TENM4: variants seen among roughly 807,000 people sequenced by gnomAD.
The protein encoded by TENM4 is teneurin transmembrane protein 4.
TENM4 carries 82 observed loss-of-function variants against 243.3 expected under a neutral mutation model. The ratio of observed to expected loss-of-function variants is 0.34; its 90% CI spans 0.28 to 0.40. The LOEUF is 0.40. Ranked by LOEUF, TENM4 falls within the 10% of genes least tolerant of loss-of-function variation. The pLI is 1.00. For synonymous variants in TENM4, 1,412 were observed against 1,456.3 expected, an observed-to-expected ratio of 0.97 and a Z score of 0.69; for missense variants, 3,138 against 3,673.3, an observed-to-expected ratio of 0.85 and a Z score of 3.77.
chr11:78,784,413 G>C (rs1372686341), intron 16 of TENM4, among the ~76,000 whole-genome samples: 1 of 152,120 alleles, frequency 6.6e-6, no homozygotes, highest in Non-Finnish European at 1.5e-5. Context: ...CCTTCAGCAC[G>C]AGGGTGGTGA....
intron 15 of TENM4, among the ~76,000 whole-genome samples, chr11:78,795,617 G>C (rs73498536): frequency 6.6e-6 from 1 of 151,928 alleles, no homozygotes; most frequent in Admixed American, 6.6e-5. Flanking sequence ...GAAATTATTC[G>C]TATCCACAAG....
intron 4 of TENM4, among the ~76,000 whole-genome samples, chr11:79,120,354 A>G (rs1357177409): frequency 1.3e-5 from 2 of 152,206 alleles, no homozygotes; most frequent in Non-Finnish European, 2.9e-5. Context: ...TCAAGAGGCA[A>G]ATGTAAAACA....
At chr11:78,921,792 T>C (rs541094370) in intron 6 of TENM4, among the ~76,000 whole-genome samples, 1 of 152,200 alleles carries the variant, frequency 6.6e-6, no homozygotes, top group Admixed American at 6.5e-5. Context: ...CTGAGGATCA[T>C]GAGAATTCCC....
At chr11:79,175,661 A>G (rs1218876933) in intron 3 of TENM4, among the ~76,000 whole-genome samples, 1 of 152,258 alleles carries the variant, frequency 6.6e-6, no homozygotes, top group Non-Finnish European at 1.5e-5. Flanking sequence ...ACAGAGCTCA[A>G]CGGTATTTAT....
At position 78,676,306 on chromosome 11, in the gene TENM4, T is replaced by G. The variant is rs769439475; in HGVS notation, c.5342A>C (p.Gln1781Pro). The part of the protein sequence containing the change: ...LLANGMEVAL[Q>P]TEPHLLAGTV... Reference sequence around the variant, plus strand: ...GCCAGCCAGCAAGTGGGGCTCAGTCTGCAGCGCCACCTCCATGCCGTTGGC... The same window carrying G: ...GCCAGCCAGCAAGTGGGGCTCAGTCGGCAGCGCCACCTCCATGCCGTTGGC... The change falls in exon 30 of 34, where the codon CAG (glutamine) becomes CCG (proline). Residue 1781 changes from glutamine to proline, a missense_variant. This residue lies in a region of TENM4 where 2,467 missense variants were observed against 3,059.1 expected (regional missense o/e 0.81). Coordinates refer to ENST00000278550, the MANE Select transcript of TENM4 (RefSeq NM_001098816.3). 6.2e-7 allele frequency: 1 copy of G among 1,612,526 alleles called. No individual in the cohort carries two copies. The highest frequency in any genetic ancestry group is 8.5e-7 in the Non-Finnish European group (1 of 1,178,738).
intron 3 of TENM4, among the ~76,000 whole-genome samples, chr11:79,215,154 T>G (rs1417763725): frequency 1.3e-5 from 2 of 152,180 alleles, no homozygotes; most frequent in Admixed American, 1.3e-4. Flanking sequence ...CACTTACAAT[T>G]TCACTCCTCT....
intron 6 of TENM4, among the ~76,000 whole-genome samples, chr11:79,023,434 C>T (rs537304763): frequency 6.3e-4 from 96 of 152,010 alleles, no homozygotes; most frequent in African/African-American, 2.3e-3. Flanking sequence ...CAGTGGTGTG[C>T]ACCTGTAATC....
intron 28 of TENM4, among the ~76,000 whole-genome samples, chr11:78,698,427 A>AACCAACCAACCAAC (rs1324562908): frequency 7.7e-5 from 10 of 130,140 alleles, no homozygotes; most frequent in African/African-American, 2.3e-4. Context: ...AACCAACCAA[A>AACCAACCAACCAAC]CAAACAAACA....
chr11:79,373,563 G>A (rs900710973), intron 1 of TENM4, among the ~76,000 whole-genome samples: 9 of 152,178 alleles, frequency 5.9e-5, no homozygotes, highest in African/African-American at 1.9e-4. Flanking sequence ...GCATTTCAAA[G>A]AGAAGGTGAG....
intron 1 of TENM4, among the ~76,000 whole-genome samples, chr11:79,437,422 G>T: frequency 6.6e-6 from 1 of 152,126 alleles, no homozygotes; most frequent in Non-Finnish European, 1.5e-5. Flanking sequence ...GGAGAAAGGC[G>T]CGGCCGGGAC....
intron 2 of TENM4, among the ~76,000 whole-genome samples, chr11:79,252,056 T>C (rs943653929): frequency 2.0e-5 from 3 of 151,934 alleles, no homozygotes; most frequent in Non-Finnish European, 4.4e-5. Flanking sequence ...AACAAAACTA[T>C]GGAATAAAAA....
chr11:79,174,743 G>A (rs1863124251), intron 3 of TENM4, among the ~76,000 whole-genome samples: 1 of 152,130 alleles, frequency 6.6e-6, no homozygotes, highest in Non-Finnish European at 1.5e-5. Context: ...GACTCCTTTG[G>A]GCAGCCTTTT....
intron 1 of TENM4, among the ~76,000 whole-genome samples, chr11:79,321,640 CAAAAAAAAA>C (rs60886884): frequency 1.2e-5 from 1 of 82,216 alleles, no homozygotes; most frequent in African/African-American, 4.6e-5. Flanking sequence ...AGGAAATTAC[CAAAAAAAAA>C]AAAAAAAAAA....
intron 2 of TENM4, among the ~76,000 whole-genome samples, chr11:79,261,876 C>G (rs1285062093): frequency 6.6e-6 from 1 of 152,118 alleles, no homozygotes; most frequent in Admixed American, 6.5e-5. Context: ...ATGCTGCCAA[C>G]ATTTGGTTTC....
chr11:78,696,594 A>G (rs498741), intron 28 of TENM4, among the ~76,000 whole-genome samples: 64,931 of 152,078 alleles, frequency 0.43, 17,237 homozygotes, highest in African/African-American at 0.75. Context: ...GTTAGCCTCT[A>G]GGTATCATAG....
intron 2 of TENM4, among the ~76,000 whole-genome samples, chr11:79,280,206 G>C (rs1157853935): frequency 6.6e-6 from 1 of 152,170 alleles, no homozygotes; most frequent in Admixed American, 6.5e-5. Flanking sequence ...GAAGATACCA[G>C]TCTTCTGTAG....
chr11:78,710,074 T>C (rs973063407), intron 26 of TENM4, among the ~76,000 whole-genome samples: 5 of 152,256 alleles, frequency 3.3e-5, no homozygotes, highest in Non-Finnish European at 7.3e-5. Flanking sequence ...TGGTCACTTT[T>C]GTTTCACTAT....
At chr11:79,335,489 G>A (rs993954126) in intron 1 of TENM4, among the ~76,000 whole-genome samples, 14 of 152,132 alleles carry the variant, frequency 9.2e-5, no homozygotes, top group Non-Finnish European at 1.6e-4. Context: ...ACCATCCATT[G>A]GTACATTTGT....
chr11:78,716,008 C>A (rs1859513640), intron 25 of TENM4, among the ~76,000 whole-genome samples: 1 of 152,208 alleles, frequency 6.6e-6, no homozygotes, highest in African/African-American at 2.4e-5. Context: ...TGCGCTAGCA[C>A]TTGATGCACA....
Sources: allele counts gnomAD v4.1 joint callset (sites outside exome capture counted in the v4.1 genomes callset), GRCh38; gene constraint gnomAD v4.1.1; regional missense constraint gnomAD v4.1.1; transcripts MANE v1.5; gene names NCBI Gene and HGNC (gene_info 2026-07-23, HGNC 2026-07-21).